The following ABR variants were observed in gnomAD, a reference collection of about 807,000 sequenced individuals.
The protein encoded by ABR is active breakpoint cluster region-related protein.
A neutral mutation model predicts 107.2 loss-of-function variants in ABR; 35 were observed. That is an observed-to-expected ratio of 0.33 (90% CI 0.25 to 0.43). ABR has a LOEUF of 0.43. Among genes scored for constraint, ABR ranks in the 20% least tolerant of loss-of-function variants. The pLI is 1.00. For synonymous variants in ABR, 498 were observed against 462.0 expected (o/e 1.08, Z -1.00); for missense variants, 815 against 1,115.2 (o/e 0.73, Z 3.83).
At chr17:1,079,788 CAAAAAAAAAAAAAAAAAAAAAAAAA>C (rs57412625) in intron 5 of ABR, among the ~76,000 whole-genome samples, 10 of 55,112 alleles carry the variant, frequency 1.8e-4, no homozygotes, top group African/African-American at 3.4e-4. Flanking sequence ...GACTCTGTCT[CAAAAAAAAAAAAAAAAAAAAAAAAA>C]AAAAAAAAAA....
chr17:1,179,138 C>T lies in ABR; in HGVS notation c.61+529G>A, dbSNP rs141194968. Among the ~76,000 whole-genome samples, 1,306 of 152,028 alleles carry T rather than the reference C, an allele frequency of 8.6e-3. 25 individuals carry two copies. Among genetic ancestry groups the T allele is most frequent in the African/African-American group, 0.03 (1,246 of 41,428 alleles). Reference sequence around the variant, plus strand: ...CCCCGCGGATATCTGCACCCCCCGTCTCCCCTCCCACCCGATCCCACCCCA... The same window carrying T: ...CCCCGCGGATATCTGCACCCCCCGTTTCCCCTCCCACCCGATCCCACCCCA... On this transcript the variant is annotated intron_variant, in intron 1 of 22. Transcript: ENST00000302538. This position sits in a 1 kb window ranked among gnomAD's most constrained non-coding sequence, Gnocchi z 4.9.
At chr17:1,129,865 T>C (rs932873395) in intron 1 of ABR, among the ~76,000 whole-genome samples, 1 of 152,158 alleles carries the variant, frequency 6.6e-6, no homozygotes, top group African/African-American at 2.4e-5. Context: ...GAGAACTGCT[T>C]GAACCCGGGA....
chr17:1,112,920 GTTAACGCCTGACCCAATCAGCAAGCAT>G (rs2038771543), intron 2 of ABR, among the ~76,000 whole-genome samples: 2 of 121,132 alleles, frequency 1.7e-5, no homozygotes, highest in African/African-American at 5.4e-5. Context: ...GCAAGCATTT[GTTAACGCCTGACCCAATCAGCAAGCAT>G]TTGTTAACCA....
At chr17:1,045,326 A>G (rs1344224439) in intron 16 of ABR, among the ~76,000 whole-genome samples, 1 of 152,136 alleles carries the variant, frequency 6.6e-6, no homozygotes, top group Admixed American at 6.5e-5. Flanking sequence ...ACAATCTTCC[A>G]TCTTCTTATA....
intron 16 of ABR, among the ~76,000 whole-genome samples, chr17:1,033,926 T>TCTGCTCA (rs1457656586): frequency 1.3e-5 from 2 of 150,196 alleles, no homozygotes; most frequent in African/African-American, 2.4e-5. Flanking sequence ...CCAGGAAGGC[T>TCTGCTCA]CTGCTCACTC....
intron 10 of ABR, among the ~76,000 whole-genome samples, chr17:1,065,649 A>G (rs1340550695): frequency 6.6e-6 from 1 of 151,848 alleles, no homozygotes; most frequent in Non-Finnish European, 1.5e-5. Context: ...TATGTAGTAC[A>G]CTCATTTCCA....
chr17:1,066,882 C>T (rs1314860583), intron 10 of ABR, among the ~76,000 whole-genome samples, 195 bp downstream of exon 10: 3 of 152,096 alleles, frequency 2.0e-5, no homozygotes, highest in Non-Finnish European at 4.4e-5. Context: ...AGGGCACTTC[C>T]CATGTTAGCC....
In ABR at chr17:1,050,188, A is replaced by C. The variant is rs1226055435; in HGVS notation, c.1660-7T>G. 6.2e-7 allele frequency: 1 copy of C among 1,610,766 alleles called. No individual in the cohort carries two copies. The highest frequency in any genetic ancestry group is 2.2e-5 in the East Asian group (1 of 44,870). ...CCAGCTCGATCTCAAACTCCTGGGGAAAGATGGGACAAAGGGCCCTGAACC... is the reference window on the plus strand; with the variant it reads ...CCAGCTCGATCTCAAACTCCTGGGGCAAGATGGGACAAAGGGCCCTGAACC... On this transcript the variant is annotated splice_polypyrimidine_tract_variant and splice_region_variant and intron_variant, in intron 15 of 22. Transcript: ENST00000302538. This position sits in a 1 kb window ranked among gnomAD's most constrained non-coding sequence, Gnocchi z 4.6.
At chr17:1,167,648 T>C (rs537358035) in intron 1 of ABR, among the ~76,000 whole-genome samples, 2 of 152,292 alleles carry the variant, frequency 1.3e-5, no homozygotes, top group African/African-American at 4.8e-5. Flanking sequence ...CTGGGAAGTC[T>C]TGGGGAAGCA....
At chr17:1,024,941 G>GA (rs1412343755) in intron 16 of ABR, among the ~76,000 whole-genome samples, 1 of 151,664 alleles carries the variant, frequency 6.6e-6, no homozygotes, top group Non-Finnish European at 1.5e-5. Context: ...CTAACACGGT[G>GA]AAACCCCGTC....
At chr17:1,227,863 A>G (rs1441610780) in intron 1 of ABR, among the ~76,000 whole-genome samples, 1 of 152,140 alleles carries the variant, frequency 6.6e-6, no homozygotes, top group African/African-American at 2.4e-5. Context: ...TGGACGCTCA[A>G]TTCCAGGCAA....
chr17:1,152,970 T>A (rs900004885), intron 1 of ABR, among the ~76,000 whole-genome samples: 1 of 151,934 alleles, frequency 6.6e-6, no homozygotes, highest in African/African-American at 2.4e-5. Flanking sequence ...TGCACGCCTG[T>A]AGTCCCAGCT....
chr17:1,224,018 C>G lies in ABR; in HGVS notation c.838+4775G>C, dbSNP rs573093303. ...TGTGGAATCCATGAATTAAAGCATA[C>G]GAAGTGCTCAGAACAGGAGCTGGCA... On this transcript the variant is annotated intron_variant, in intron 1 of 22. Transcript: ENST00000574139. Among the ~76,000 whole-genome samples the G allele has an allele frequency of 7.2e-5, 11 of 152,284 alleles. No homozygotes were observed. The South Asian group carries it at 2.3e-3, about 32-fold the overall frequency.
chr17:1,138,037 A>T (rs2040151317), intron 1 of ABR, among the ~76,000 whole-genome samples: 1 of 151,086 alleles, frequency 6.6e-6, no homozygotes, highest in South Asian at 2.1e-4. Context: ...AGTAGCTGGG[A>T]TTACAGGTGC....
Position 1,222,074 on chromosome 17 carries a change from C to CTTTTTTTTTTTTTTTTTTT in ABR, c.838+6718_838+6719insAAAAAAAAAAAAAAAAAAA, listed in dbSNP as rs1488404002. ...ATAACAGCACCATGGAGGATCCCAT[C>CTTTTTTTTTTTTTTTTTTT]TTTTTTTCTGAGACGGAGTTTCACC... On this transcript the variant is annotated intron_variant, in intron 1 of 22. Transcript: ENST00000574139. Among the ~76,000 whole-genome samples, 8 of 144,768 alleles carry CTTTTTTTTTTTTTTTTTTT rather than the reference C, an allele frequency of 5.5e-5. 2 individuals carry two copies. Among genetic ancestry groups the CTTTTTTTTTTTTTTTTTTT allele is most frequent in the South Asian group, 4.3e-4 (2 of 4,628 alleles). 95.0% of individuals were successfully genotyped at this position (144,768 alleles called of 152,430 possible). A position where few individuals can be genotyped will look rare whatever the true frequency, so the allele number is the denominator to read the frequency against.
chr17:1,074,049 G>A (rs554390772), intron 6 of ABR, among the ~76,000 whole-genome samples: 6 of 145,236 alleles, frequency 4.1e-5, no homozygotes, highest in South Asian at 2.2e-4. Flanking sequence ...GCCACGCCCC[G>A]AAGAGTCCAG....
rs1401472573 is a variant in ABR, at chr17:1,200,265, CG to C, written c.838+28527del. The stretch of plus-strand genomic sequence containing the variant: ...GAGATAAGTTAAAGTACACGGGGGT[CG>C]GGGGCAGGCATGGTGACTCACGCCT... On this transcript the variant is annotated intron_variant, in intron 1 of 22. Transcript: ENST00000574139. This position sits in a 1 kb window ranked among gnomAD's most constrained non-coding sequence, Gnocchi z 4.1. Among the ~76,000 whole-genome samples, 1 of 151,978 alleles carries C rather than the reference CG, an allele frequency of 6.6e-6. No homozygotes were observed. Among genetic ancestry groups the C allele is most frequent in the African/African-American group, 2.4e-5 (1 of 41,368 alleles).
chr17:1,149,201 G>A (rs958586655), intron 1 of ABR, among the ~76,000 whole-genome samples: 1 of 151,584 alleles, frequency 6.6e-6, no homozygotes, highest in African/African-American at 2.4e-5. Flanking sequence ...CCTAGCGCCC[G>A]GCCTATTTTG....
intron 2 of ABR, among the ~76,000 whole-genome samples, chr17:1,101,880 C>A (rs1031296387): frequency 6.6e-6 from 1 of 151,954 alleles, no homozygotes; most frequent in Non-Finnish European, 1.5e-5. Flanking sequence ...ACTACAGGCT[C>A]CCGCCACCAC....
Sources: allele counts gnomAD v4.1 joint callset (sites outside exome capture counted in the v4.1 genomes callset), GRCh38; gene constraint gnomAD v4.1.1; non-coding constraint Gnocchi (gnomAD v3.1); transcripts MANE v1.5; gene names NCBI Gene and HGNC (gene_info 2026-07-23, HGNC 2026-07-21).